Variants in ADGRB2 observed in about 807,000 individuals in gnomAD.
ADGRB2 encodes brain-specific angiogenesis inhibitor 2.
Under a neutral mutation model 178.7 loss-of-function variants are expected in ADGRB2, and 47 were observed. That is an observed-to-expected ratio of 0.26 (90% CI 0.21 to 0.34). The LOEUF (loss-of-function observed/expected upper bound fraction) is 0.34. ADGRB2 is among the 10% of genes least tolerant of loss of function. ADGRB2 has a pLI of 1.00. For missense variants in ADGRB2, 1,584 were observed against 2,180.8 expected (o/e 0.73, Z 5.45); for synonymous variants, 870 against 912.4 (o/e 0.95, Z 0.84).
chr1:31,739,076 G>C, intron 15 of ADGRB2, 139 bp from the exon 16 acceptor site: 1 of 863,352 alleles, frequency 1.2e-6, no homozygotes. Context: ...TGGGGTCCAG[G>C]ACTTCAGGTG....
intron 14 of ADGRB2, 77 bp from the exon 15 acceptor site, chr1:31,739,712 T>G (rs1645829580): frequency 6.8e-7 from 1 of 1,472,732 alleles, no homozygotes; most frequent in African/African-American, 1.4e-5. Flanking sequence ...AAGAGACAGA[T>G]GTAGGGGAAA....
In ADGRB2 at chr1:31,738,184, C is replaced by A; in HGVS notation, c.2772+16G>T. ...CCTCCTCCCTTATTCAGCCCAGGCA[C>A]CTCTGTTCCACTCACCAGGTCCTTG... On this transcript the variant is annotated intron_variant, in intron 18 of 32. Coordinates refer to ENST00000373658, the MANE Select transcript of ADGRB2 (RefSeq NM_001364857.2). 6.2e-7 allele frequency: 1 copy of A among 1,613,916 alleles called. No homozygotes were observed. Among genetic ancestry groups the A allele is most frequent in the East Asian group, 2.2e-5 (1 of 44,880 alleles).
chr1:31,737,638 G>T lies in ADGRB2; in HGVS notation c.2876+14C>A. 6.2e-7 allele frequency: 1 copy of T among 1,613,502 alleles called. No individual in the cohort carries two copies. The highest frequency in any genetic ancestry group is 2.2e-5 in the East Asian group (1 of 44,864). On this transcript the variant is annotated intron_variant, in intron 19 of 32. Transcript: ENST00000373658. ...CCCCCTCCCCCAGCCACAAGAGCCA[G>T]GTGTCAGACCTACCTCCAAAAGGCG...
intron 1 of ADGRB2, among the ~76,000 whole-genome samples, chr1:31,762,907 C>T (rs957049939): frequency 2.6e-5 from 4 of 152,224 alleles, no homozygotes; most frequent in African/African-American, 9.6e-5. Context: ...GCCCCTCCCC[C>T]CGGCGGGCAA....
rs188108564 is a variant in ADGRB2 at position 31,758,913 on chromosome 1, T to C, written c.-190-1402A>G. ...CTGCGGCACTAGCCAAGCCAGCGGC[T>C]GATGATGAGTGACATCCAATCCCCC... On this transcript the variant is annotated intron_variant, in intron 1 of 32. Coordinates refer to ENST00000373658, the MANE Select transcript of ADGRB2 (RefSeq NM_001364857.2). This position sits in a 1 kb window ranked among gnomAD's most constrained non-coding sequence, Gnocchi z 4.2. Among the ~76,000 whole-genome samples, 40 of 152,360 alleles carry C rather than the reference T, an allele frequency of 2.6e-4. No homozygotes were observed. The East Asian group carries it at 7.5e-3, about 29-fold the overall frequency.
In ADGRB2 at chr1:31,735,105, TCCC is replaced by T; in HGVS notation, c.3452+75_3452+77del. The T allele has an allele frequency of 9.7e-7, 1 of 1,033,502 alleles. No individual in the cohort carries two copies. The highest frequency in any genetic ancestry group is 2.8e-5 in the East Asian group (1 of 35,878). The allele number at this position is 1,033,502 out of a possible 1,614,324, so 64.0% of individuals were successfully genotyped here. A position where few individuals can be genotyped will look rare whatever the true frequency, so the allele number is the denominator to read the frequency against. ...GGCACTGGGCTGATATCCCTCCTCC[TCCC>T]CCCACCATGGGCACTGCCCCCCCCA... On this transcript the variant is annotated intron_variant, in intron 25 of 32. Coordinates refer to ENST00000373658, the MANE Select transcript of ADGRB2 (RefSeq NM_001364857.2). This position sits in a 1 kb window ranked among gnomAD's most constrained non-coding sequence, Gnocchi z 6.0.
chr1:31,756,307 G>A lies in ADGRB2; in HGVS notation c.530C>T (p.Ala177Val), dbSNP rs755509486. The change falls in exon 4 of 33, where the codon GCC (alanine) becomes GTC (valine). Residue 177 changes from alanine to valine, a missense_variant. Around this residue, in one of 3 missense-constraint regions of ADGRB2, gnomAD observed 657 missense variants for 847.6 expected, o/e 0.78. Coordinates refer to ENST00000373658, the MANE Select transcript of ADGRB2 (RefSeq NM_001364857.2). The surrounding 1 kb of genome is among the most constrained non-coding windows in gnomAD (Gnocchi z 8.5). ...SEAPRLLAPA[A>V]LAFRFVEVLL... ...GACCTCGACAAAGCGGAAGGCTAGGGCAGCGGGCGCCAGCAGGCGCGGGGC... is the reference window on the plus strand; with the variant it reads ...GACCTCGACAAAGCGGAAGGCTAGGACAGCGGGCGCCAGCAGGCGCGGGGC... 8.1e-6 allele frequency: 13 copies of A among 1,613,048 alleles called. No individual in the cohort carries two copies. The highest frequency in any genetic ancestry group is 3.3e-5 in the Admixed American group (2 of 60,036).
intron 26 of ADGRB2, 121 bp from the exon 27 acceptor site, chr1:31,732,733 G>T: frequency 8.0e-7 from 1 of 1,252,508 alleles, no homozygotes; most frequent in Non-Finnish European, 1.1e-6. Flanking sequence ...ATCCAACCTT[G>T]GGGAAGGTGA....
chr1:31,743,128 G>A (rs907702662), intron 6 of ADGRB2, 126 bp from the exon 7 acceptor site: 12 of 1,133,714 alleles, frequency 1.1e-5, no homozygotes, highest in African/African-American at 3.3e-5. Flanking sequence ...GCTCTGCCCC[G>A]GGATCTGTTG....
intron 4 of ADGRB2, among the ~76,000 whole-genome samples, chr1:31,745,184 T>C (rs957730589): frequency 6.6e-5 from 10 of 152,220 alleles, no homozygotes; most frequent in African/African-American, 1.4e-4. Context: ...TGCTCCTCCA[T>C]TGTACTGACT....
At chr1:31,745,802 T>C (rs1451048828) in intron 4 of ADGRB2, among the ~76,000 whole-genome samples, 1 of 152,200 alleles carries the variant, frequency 6.6e-6, no homozygotes, top group African/African-American at 2.4e-5. Context: ...TGCCTCTTCC[T>C]GCCCCCTGCT....
In ADGRB2 at chr1:31,740,911, A is replaced by ACACG. The variant is rs1474520021; in HGVS notation, c.1795-371_1795-370insCGTG. On this transcript the variant is annotated intron_variant, in intron 11 of 32. Coordinates refer to ENST00000373658, the MANE Select transcript of ADGRB2 (RefSeq NM_001364857.2). This position sits in a 1 kb window ranked among gnomAD's most constrained non-coding sequence, Gnocchi z 5.9. The stretch of plus-strand genomic sequence containing the variant: ...GGCGCGCGCGCACACACACACACAC[A>ACACG]CACACACACACACACTGTCTTTCTC... Among the ~76,000 whole-genome samples, 1 of 150,742 alleles carries ACACG rather than the reference A, an allele frequency of 6.6e-6. No homozygotes were observed. The highest frequency in any genetic ancestry group is 1.5e-5 in the Non-Finnish European group (1 of 67,764).
intron 1 of ADGRB2, among the ~76,000 whole-genome samples, chr1:31,760,395 T>G (rs899732931): frequency 8.6e-5 from 13 of 151,974 alleles, no homozygotes; most frequent in Non-Finnish European, 1.8e-4. Context: ...CCAAACACAC[T>G]CAAGTCCCCT....
chr1:31,762,527 T>A (rs1647069402), intron 1 of ADGRB2, among the ~76,000 whole-genome samples: 1 of 152,204 alleles, frequency 6.6e-6, no homozygotes, highest in Non-Finnish European at 1.5e-5. Flanking sequence ...CCAGGCGTCC[T>A]GGAGCCCGCG....
At chr1:31,758,000 G>A (rs1271641129) in intron 1 of ADGRB2, among the ~76,000 whole-genome samples, 3 of 152,144 alleles carry the variant, frequency 2.0e-5, no homozygotes, top group East Asian at 1.9e-4. Context: ...GGGGGGAGCT[G>A]CAGGTGCCCT....
At chr1:31,737,567 G>A in intron 19 of ADGRB2, 36 bp from the exon 20 acceptor site, 1 of 1,610,132 alleles carries the variant, frequency 6.2e-7, no homozygotes, top group African/African-American at 1.3e-5. Flanking sequence ...AGAGGCGCTG[G>A]CTGCCCCATC....
Position 31,755,948 on chromosome 1 carries a change from CA to C in ADGRB2, c.838+50del, listed in dbSNP as rs1478139194. 6 of 1,552,578 alleles carry C rather than the reference CA, an allele frequency of 3.9e-6. No homozygotes were observed. The highest frequency in any genetic ancestry group is 5.2e-6 in the Non-Finnish European group (6 of 1,146,228). On this transcript the variant is annotated intron_variant, in intron 4 of 32. Transcript: ENST00000373658. The surrounding 1 kb of genome is among the most constrained non-coding windows in gnomAD (Gnocchi z 5.1). ...GATCTGCCAGGATGGACACCAGGGA[CA>C]CTGTCAGCCCCTGCAGACCCCGCCC...
At position 31,732,652 on chromosome 1, in the gene ADGRB2, A is replaced by T; in HGVS notation, c.3625-40T>A. 19 of 1,599,494 alleles carry T rather than the reference A, an allele frequency of 1.2e-5. 1 individual carries two copies. Among genetic ancestry groups the T allele is most frequent in the African/African-American group, 2.7e-5 (2 of 74,546 alleles). On this transcript the variant is annotated intron_variant, in intron 26 of 32. Transcript: ENST00000373658. ...CGCCTGCTGGGCCTGAGGCCACTGC[A>T]GGGCCCCCGACCACAGATGGCTGTG...
chr1:31,743,081 A>C, intron 6 of ADGRB2, 79 bp from the exon 7 acceptor site: 29 of 1,311,222 alleles, frequency 2.2e-5, no homozygotes, highest in Non-Finnish European at 2.6e-5. Flanking sequence ...CCGCCCACCA[A>C]TCAGGAGCTC....
Sources: gnomAD v4.1 joint callset for allele counts (sites outside exome capture counted in the v4.1 genomes callset) on GRCh38, gnomAD v4.1.1 for gene constraint, gnomAD v4.1.1 regional missense constraint, Gnocchi (gnomAD v3.1) non-coding constraint, MANE v1.5 for transcripts, NCBI Gene and HGNC (gene_info 2026-07-23, HGNC 2026-07-21) for gene names.